ZCCHC7: variants seen among roughly 807,000 people sequenced by gnomAD.
ZCCHC7 encodes zinc finger CCHC-type containing 7.
In ZCCHC7, 35 loss-of-function variants were observed where a neutral mutation model predicts 52.0. The observed-to-expected ratio is 0.67, with a 90% CI of 0.51 to 0.89. ZCCHC7 has a LOEUF of 0.89. Ranked by LOEUF, ZCCHC7 falls within the 40% of genes least tolerant of loss-of-function variation. ZCCHC7 has a pLI of 0.00. For missense variants in ZCCHC7, 574 were observed against 649.1 expected, an observed-to-expected ratio of 0.88 and a Z score of 1.26; for synonymous variants, 217 against 221.5, an observed-to-expected ratio of 0.98 and a Z score of 0.18.
intron 2 of ZCCHC7, among the ~76,000 whole-genome samples, chr9:37,143,367 CTG>C (rs1303157511): frequency 1.3e-5 from 2 of 151,536 alleles, no homozygotes; most frequent in Non-Finnish European, 3.0e-5. Context: ...TGCGTGGAAA[CTG>C]TTTTAGCTTT....
chr9:37,173,691 A>C, intron 2 of ZCCHC7, among the ~76,000 whole-genome samples: 1 of 152,140 alleles, frequency 6.6e-6, no homozygotes, highest in Admixed American at 6.6e-5. Flanking sequence ...TATGTGTTCG[A>C]TTTGTTAATG....
intron 2 of ZCCHC7, among the ~76,000 whole-genome samples, chr9:37,157,196 T>TGAA (rs1310141947): frequency 8.2e-6 from 1 of 121,420 alleles, no homozygotes; most frequent in Non-Finnish European, 1.7e-5. Flanking sequence ...CAAACTTAGT[T>TGAA]GAAAAAAAAA....
At chr9:37,141,700 A>G (rs1843234196) in intron 2 of ZCCHC7, among the ~76,000 whole-genome samples, 1 of 151,904 alleles carries the variant, frequency 6.6e-6, no homozygotes, top group African/African-American at 2.4e-5. Flanking sequence ...TGTTTACAAG[A>G]AATCTGTTGT....
At chr9:37,347,228 T>A (rs1821043957) in intron 6 of ZCCHC7, among the ~76,000 whole-genome samples, 1 of 152,140 alleles carries the variant, frequency 6.6e-6, no homozygotes, top group African/African-American at 2.4e-5. Context: ...CCATCTCCAT[T>A]ATCTTTCCCA....
intron 5 of ZCCHC7, among the ~76,000 whole-genome samples, chr9:37,322,735 G>A (rs1205732469): frequency 6.7e-6 from 1 of 150,340 alleles, no homozygotes; most frequent in African/African-American, 2.5e-5. Context: ...AATAAAATCT[G>A]TATTTTATTC....
intron 2 of ZCCHC7, among the ~76,000 whole-genome samples, chr9:37,152,610 A>T (rs1179140550): frequency 6.6e-6 from 1 of 152,126 alleles, no homozygotes; most frequent in African/African-American, 2.4e-5. Context: ...TCCCCAAATT[A>T]GGATTTGTTT....
intron 2 of ZCCHC7, among the ~76,000 whole-genome samples, chr9:37,236,175 A>G (rs1053490994): frequency 2.0e-5 from 3 of 152,146 alleles, no homozygotes; most frequent in Non-Finnish European, 4.4e-5. Context: ...TCAGCATTGT[A>G]TAAGGGTTCC....
intron 2 of ZCCHC7, among the ~76,000 whole-genome samples, chr9:37,174,224 G>A (rs906417648): frequency 6.6e-6 from 1 of 152,068 alleles, no homozygotes; most frequent in Non-Finnish European, 1.5e-5. Context: ...CACGAGAATC[G>A]CTTGAACCTG....
chr9:37,335,029 T>G (rs1380494998), intron 6 of ZCCHC7, among the ~76,000 whole-genome samples: 3 of 152,106 alleles, frequency 2.0e-5, no homozygotes, highest in Non-Finnish European at 4.4e-5. Context: ...TAGAACTGAA[T>G]CCATTGGGTA....
intron 2 of ZCCHC7, among the ~76,000 whole-genome samples, chr9:37,262,407 T>C (rs896690594): frequency 6.6e-6 from 1 of 152,232 alleles, no homozygotes; most frequent in Non-Finnish European, 1.5e-5. Context: ...AATTTACTTA[T>C]CAATAATTTT....
At position 37,357,344 on chromosome 9, in the gene ZCCHC7, T is replaced by C. The variant is rs930898216; in HGVS notation, c.*76T>C. 2.2e-6 allele frequency: 3 copies of C among 1,371,206 alleles called. No individual in the cohort carries two copies. The highest frequency in any genetic ancestry group is 2.9e-6 in the Non-Finnish European group (3 of 1,019,628). The allele number at this position is 1,371,206 out of a possible 1,614,324, so 84.9% of individuals were successfully genotyped here. A position where few individuals can be genotyped will look rare whatever the true frequency, so the allele number is the denominator to read the frequency against. On this transcript the variant is annotated 3_prime_UTR_variant, in exon 9 of 9. Coordinates refer to ENST00000336755, the MANE Select transcript of ZCCHC7 (RefSeq NM_032226.3). ...GTCTATAACCTTCTGGCACTGTGTT[T>C]ATTATCTATGATTAAATAAAGTGAG...
intron 2 of ZCCHC7, among the ~76,000 whole-genome samples, chr9:37,179,779 G>T (rs926848258): frequency 6.6e-6 from 1 of 152,104 alleles, no homozygotes; most frequent in East Asian, 1.9e-4. Context: ...TGACAGTTTT[G>T]CCAACAACAT....
chr9:37,271,263 T>C (rs1201501462), intron 2 of ZCCHC7, among the ~76,000 whole-genome samples: 4 of 152,138 alleles, frequency 2.6e-5, no homozygotes, highest in African/African-American at 7.2e-5. Flanking sequence ...ATAAAGACTA[T>C]CTCATGAAAA....
chr9:37,173,888 T>TAA (rs1385951296), intron 2 of ZCCHC7, among the ~76,000 whole-genome samples: 2 of 152,252 alleles, frequency 1.3e-5, no homozygotes, highest in Non-Finnish European at 2.9e-5. Context: ...GTAATGGGAA[T>TAA]AAACATGATT....
chr9:37,138,299 T>C (rs187889310), intron 2 of ZCCHC7, among the ~76,000 whole-genome samples: 1 of 152,260 alleles, frequency 6.6e-6, no homozygotes, highest in East Asian at 1.9e-4. Context: ...TTTATGGCCA[T>C]TGTTCAGCAG....
intron 8 of ZCCHC7, 72 bp from the exon 9 acceptor site, chr9:37,356,763 A>G (rs541581038): frequency 2.9e-6 from 4 of 1,379,848 alleles, no homozygotes; most frequent in Middle Eastern, 1.9e-4. Context: ...CTGTTAAGTT[A>G]TTTACACTTA....
At chr9:37,278,844 A>T (rs951643929) in intron 2 of ZCCHC7, among the ~76,000 whole-genome samples, 8 of 152,224 alleles carry the variant, frequency 5.3e-5, no homozygotes, top group Non-Finnish European at 7.3e-5. Context: ...TCCGGCAGAA[A>T]TATCCCACAG....
At chr9:37,129,839 C>G (rs1842698686) in intron 2 of ZCCHC7, among the ~76,000 whole-genome samples, 1 of 152,172 alleles carries the variant, frequency 6.6e-6, no homozygotes, top group Non-Finnish European at 1.5e-5. Flanking sequence ...ACATACATTA[C>G]CTGCTTTCTC....
At chr9:37,245,667 T>C (rs1043239574) in intron 2 of ZCCHC7, among the ~76,000 whole-genome samples, 2 of 152,022 alleles carry the variant, frequency 1.3e-5, no homozygotes, top group Non-Finnish European at 2.9e-5. Context: ...GGACTCTGAA[T>C]TCACTTTTGG....
Sources: allele counts gnomAD v4.1 joint callset (sites outside exome capture counted in the v4.1 genomes callset), GRCh38; gene constraint gnomAD v4.1.1; transcripts MANE v1.5; gene names NCBI Gene and HGNC (gene_info 2026-07-23, HGNC 2026-07-21).